The following DLGAP2 variants were observed in gnomAD, a reference collection of about 807,000 sequenced individuals.
The protein encoded by DLGAP2 is disks large-associated protein 2.
A neutral mutation model predicts 100.3 loss-of-function variants in DLGAP2; 26 were observed. The observed-to-expected ratio is 0.26, with a 90% confidence interval of 0.19 to 0.36. DLGAP2 has a LOEUF of 0.36. Among genes scored for constraint, DLGAP2 ranks in the 10% least tolerant of loss-of-function variants. DLGAP2 has a pLI of 1.00. For synonymous variants in DLGAP2, 886 were observed against 630.1 expected (o/e 1.41, Z -6.08); for missense variants, 1,858 against 1,453.2 (o/e 1.28, Z -4.53).
chr8:760,113 C>T (rs181224753), intron 1 of DLGAP2, among the ~76,000 whole-genome samples: 41 of 152,308 alleles, frequency 2.7e-4, no homozygotes, highest in East Asian at 1.5e-3. Flanking sequence ...TGCACACTGA[C>T]GGTTTTCTTT....
At chr8:1,211,733 G>A (rs1459352116) in intron 2 of DLGAP2, among the ~76,000 whole-genome samples, 1 of 152,166 alleles carries the variant, frequency 6.6e-6, no homozygotes, top group Non-Finnish European at 1.5e-5. Context: ...AAATTAGCCA[G>A]GCGTGGTAGC....
intron 3 of DLGAP2, among the ~76,000 whole-genome samples, chr8:1,338,361 A>G (rs988034595): frequency 1.3e-5 from 2 of 152,218 alleles, no homozygotes; most frequent in South Asian, 2.1e-4. Flanking sequence ...ACAGATGCAA[A>G]TATTATGTGA....
At chr8:869,704 C>T (rs1192490039) in intron 1 of DLGAP2, among the ~76,000 whole-genome samples, 1 of 152,180 alleles carries the variant, frequency 6.6e-6, no homozygotes, top group Non-Finnish European at 1.5e-5. Context: ...TTGGAACATT[C>T]GGGGATCAGG....
intron 13 of DLGAP2, among the ~76,000 whole-genome samples, chr8:1,693,768 A>T (rs903260718): frequency 6.6e-6 from 1 of 152,242 alleles, no homozygotes; most frequent in Non-Finnish European, 1.5e-5. Flanking sequence ...CATCACTCTG[A>T]CAAAGTTATA....
chr8:1,455,066 C>T (rs1432443336), intron 3 of DLGAP2, among the ~76,000 whole-genome samples: 2 of 152,220 alleles, frequency 1.3e-5, no homozygotes, highest in Admixed American at 6.5e-5. Context: ...AGGAAGGTTC[C>T]AGACACATCA....
chr8:1,130,102 CG>C (rs1563207034), intron 2 of DLGAP2, among the ~76,000 whole-genome samples: 9 of 2,064 alleles, frequency 4.4e-3, no homozygotes, highest in African/African-American at 0.014. Flanking sequence ...ACACTTCACG[CG>C]AGTTAAGGGA....
chr8:1,659,566 T>C (rs1798363555), intron 8 of DLGAP2, among the ~76,000 whole-genome samples: 1 of 152,232 alleles, frequency 6.6e-6, no homozygotes, highest in Admixed American at 6.5e-5. Flanking sequence ...TTAGCTCTTC[T>C]TGTTGCATTG....
At chr8:880,334 T>G (rs1797763392) in intron 1 of DLGAP2, among the ~76,000 whole-genome samples, 1 of 152,222 alleles carries the variant, frequency 6.6e-6, no homozygotes, top group Admixed American at 6.5e-5. Context: ...AATGTAGATG[T>G]GCTTCTGTCT....
At chr8:1,173,405 C>G (rs1251492959) in intron 2 of DLGAP2, among the ~76,000 whole-genome samples, 2 of 152,214 alleles carry the variant, frequency 1.3e-5, no homozygotes, top group African/African-American at 4.8e-5. Flanking sequence ...CCACTGCTCT[C>G]TTCAAAGCTG....
chr8:801,939 G>T (rs1290225851), intron 1 of DLGAP2, among the ~76,000 whole-genome samples: 1 of 152,012 alleles, frequency 6.6e-6, no homozygotes, highest in East Asian at 1.9e-4. Flanking sequence ...TGAACACTGG[G>T]CCCTCCGTCC....
Position 1,549,080 on chromosome 8 carries a change from G to C in DLGAP2, c.627G>C (p.Thr209=), listed in dbSNP as rs760729156. Residue 209 remains threonine, a synonymous_variant, in exon 5 of 15, where the codon ACG becomes ACC. Transcript: ENST00000637795. Reference sequence around the variant, plus strand: ...CGCTGCACCGGGACGGCTTCCACACGCTGCAGTACCAGAGGACGTCCGCGG... The same window carrying C: ...CGCTGCACCGGGACGGCTTCCACACCCTGCAGTACCAGAGGACGTCCGCGG... The part of the protein sequence containing the change: ...QLPLHRDGFH[T]LQYQRTSAAA... The C allele has an allele frequency of 8.8e-6, 14 of 1,587,028 alleles. 1 individual carries two copies. The Admixed American group carries it at 2.5e-4, about 28-fold the overall frequency.
At chr8:1,064,640 A>G (rs1334223789) in intron 2 of DLGAP2, among the ~76,000 whole-genome samples, 1 of 152,232 alleles carries the variant, frequency 6.6e-6, no homozygotes, top group East Asian at 1.9e-4. Context: ...GGAGGTCTTT[A>G]GTAAATTTGA....
chr8:1,065,691 A>G (rs1803222779), intron 2 of DLGAP2, among the ~76,000 whole-genome samples: 1 of 152,146 alleles, frequency 6.6e-6, no homozygotes, highest in African/African-American at 2.4e-5. Context: ...CTCTCCTGAG[A>G]TTCATCTGTG....
At chr8:1,383,991 C>T (rs766901023) in intron 3 of DLGAP2, among the ~76,000 whole-genome samples, 4 of 152,148 alleles carry the variant, frequency 2.6e-5, no homozygotes, top group Non-Finnish European at 5.9e-5. Context: ...GTTTTGGTGT[C>T]TGTACTTAGT....
chr8:1,413,661 A>G (rs12681959), intron 3 of DLGAP2, among the ~76,000 whole-genome samples: 44,824 of 152,158 alleles, frequency 0.29, 7,027 homozygotes, highest in African/African-American at 0.4. Context: ...TCAGTAATCA[A>G]TGATTGGAGT....
At chr8:1,223,305 G>A (rs559657536) in intron 2 of DLGAP2, among the ~76,000 whole-genome samples, 25 of 152,280 alleles carry the variant, frequency 1.6e-4, no homozygotes, top group African/African-American at 5.5e-4. Context: ...TTCACAGTGT[G>A]CAGGTCTATG....
intron 2 of DLGAP2, among the ~76,000 whole-genome samples, chr8:1,020,843 G>C (rs948935891): frequency 6.6e-6 from 1 of 152,164 alleles, no homozygotes; most frequent in East Asian, 1.9e-4. Context: ...ACAGTCTTGG[G>C]ATTCCTACAA....
At chr8:1,574,627 T>C (rs1384649115) in intron 6 of DLGAP2, among the ~76,000 whole-genome samples, 2 of 152,184 alleles carry the variant, frequency 1.3e-5, no homozygotes, top group Admixed American at 6.5e-5. Context: ...ACATTTCCAT[T>C]TTGTTATGAC....
At chr8:1,685,251 GC>G (rs1799084687) in intron 12 of DLGAP2, among the ~76,000 whole-genome samples, 2 of 152,206 alleles carry the variant, frequency 1.3e-5, no homozygotes, top group South Asian at 4.1e-4. Flanking sequence ...TCCATGCAGG[GC>G]ACGAGGATGA....
Sources: gnomAD v4.1 joint callset for allele counts (sites outside exome capture counted in the v4.1 genomes callset) on GRCh38, gnomAD v4.1.1 for gene constraint, MANE v1.5 for transcripts, NCBI Gene and HGNC (gene_info 2026-07-23, HGNC 2026-07-21) for gene names.